The following GYG1 variants were observed in gnomAD, a reference collection of about 807,000 sequenced individuals.
GYG1 encodes glycogenin 1.
A neutral mutation model predicts 41.9 loss-of-function variants in GYG1; 44 were observed. That is an observed-to-expected ratio of 1.05 (90% CI 0.83 to 1.35). The LOEUF (loss-of-function observed/expected upper bound fraction) is 1.35. GYG1 is among the 40% of genes most tolerant of loss of function. The pLI, the probability that GYG1 is intolerant of heterozygous loss-of-function variation, is 0.00. For synonymous variants in GYG1, 141 were observed against 158.1 expected, an observed-to-expected ratio of 0.89 and a Z score of 0.81; for missense variants, 429 against 418.9, an observed-to-expected ratio of 1.02 and a Z score of -0.21.
rs940997208 is a variant in GYG1, at chr3:149,028,007, G to A, written c.*1074G>A. Among the ~76,000 whole-genome samples, 8 of 152,164 alleles carry A rather than the reference G, an allele frequency of 5.3e-5. No homozygotes were observed. Among genetic ancestry groups the A allele is most frequent in the African/African-American group, 1.9e-4 (8 of 41,440 alleles). On this transcript the variant is annotated 3_prime_UTR_variant, in exon 8 of 8. Coordinates refer to ENST00000345003, the MANE Select transcript of GYG1 (RefSeq NM_004130.4). ...ATTTAAAATGATAGAATGGAAAAGCGTATTTATTAAATTTATAGATCATTC... is the reference window on the plus strand; with the variant it reads ...ATTTAAAATGATAGAATGGAAAAGCATATTTATTAAATTTATAGATCATTC...
chr3:149,005,337 T>C (rs982127214), intron 4 of GYG1, among the ~76,000 whole-genome samples: 1 of 152,174 alleles, frequency 6.6e-6, no homozygotes, highest in African/African-American at 2.4e-5. Flanking sequence ...GGAACATCTA[T>C]TACACCAATC....
In GYG1 at chr3:149,022,501, T is replaced by TTTTTTTTTTTTTTTTTTTTTG. The variant is rs1714428231; in HGVS notation, c.609-1537_609-1536insTTTTTGTTTTTTTTTTTTTTT. Among the ~76,000 whole-genome samples, 2 of 116,848 alleles carry TTTTTTTTTTTTTTTTTTTTTG rather than the reference T, an allele frequency of 1.7e-5. 1 individual carries two copies. Among genetic ancestry groups the TTTTTTTTTTTTTTTTTTTTTG allele is most frequent in the Non-Finnish European group, 3.6e-5 (2 of 56,318 alleles). The allele number at this position is 116,848 out of a possible 152,430, so 76.7% of individuals were successfully genotyped here. A position where few individuals can be genotyped will look rare whatever the true frequency, so the allele number is the denominator to read the frequency against. ...AGTACCTTTTTTCTTGTTTTGCCTT[T>TTTTTTTTTTTTTTTTTTTTTG]TTTTTTTTTTTTTTTGAGATGGAGT... On this transcript the variant is annotated intron_variant, in intron 5 of 7. Coordinates refer to ENST00000345003, the MANE Select transcript of GYG1 (RefSeq NM_004130.4).
chr3:149,001,561 A>G (rs1048872793), intron 4 of GYG1: 3 of 152,168 alleles, frequency 2.0e-5, no homozygotes, highest in Non-Finnish European at 4.4e-5. Flanking sequence ...CATTTTACCT[A>G]CTTTTTCACT....
intron 6 of GYG1, 70 bp from the exon 7 acceptor site, chr3:149,026,382 T>G: frequency 1.1e-6 from 1 of 941,964 alleles, no homozygotes; most frequent in African/African-American, 1.6e-5. Context: ...CCCACACAGA[T>G]TGAGAATTTA....
chr3:148,993,135 C>T (rs1397679895), intron 1 of GYG1, among the ~76,000 whole-genome samples: 1 of 152,024 alleles, frequency 6.6e-6, no homozygotes, highest in African/African-American at 2.4e-5. Flanking sequence ...GCTAATGTTT[C>T]TTGGAGATGG....
rs188887329 is a variant in GYG1 at position 149,026,439 on chromosome 3, G to A, written c.829-13G>A. On this transcript the variant is annotated splice_polypyrimidine_tract_variant and intron_variant, in intron 6 of 7. Coordinates refer to ENST00000345003, the MANE Select transcript of GYG1 (RefSeq NM_004130.4). ...GCCCATCCATCTTACACTTTCTAAT[G>A]AACTGTTTGCAGCTTTCAGACTTGG... is the stretch of plus-strand genomic sequence containing the variant. 8.2e-5 allele frequency: 129 copies of A among 1,565,394 alleles called. No individual in the cohort carries two copies. The East Asian group carries it at 1.7e-3, about 21-fold the overall frequency.
chr3:149,004,302 T>C (rs1274325606), intron 4 of GYG1, among the ~76,000 whole-genome samples: 3 of 152,258 alleles, frequency 2.0e-5, no homozygotes, highest in South Asian at 2.1e-4. Flanking sequence ...AAGCTGCCTC[T>C]AGAAGTCTGA....
chr3:149,030,186 T>A lies in GYG1; in HGVS notation c.*3253T>A, dbSNP rs969361593. On this transcript the variant is annotated 3_prime_UTR_variant, in exon 8 of 8. Transcript: ENST00000345003. ...AATCCAGTTTTAACCACAAAATTGT[T>A]TGAATCACAAGTGGTAATACAATGT... 1 of 152,212 alleles carries A rather than the reference T, an allele frequency of 6.6e-6. No individual in the cohort carries two copies. The highest frequency in any genetic ancestry group is 1.9e-4 in the East Asian group (1 of 5,204). The allele number at this position is 152,212 out of a possible 1,614,324, so 9.4% of individuals were successfully genotyped here.
intron 6 of GYG1, 42 bp from the exon 7 acceptor site, chr3:149,026,410 C>T: frequency 8.1e-7 from 1 of 1,239,464 alleles, no homozygotes; most frequent in Non-Finnish European, 1.2e-6. Flanking sequence ...ACTTGTGTTC[C>T]CTTGCCCATC....
intron 2 of GYG1, among the ~76,000 whole-genome samples, chr3:148,995,577 G>A (rs182183469): frequency 6.6e-6 from 1 of 152,268 alleles, no homozygotes; most frequent in East Asian, 1.9e-4. Context: ...TGCATTTCCT[G>A]TAACCACCAT....
chr3:149,010,523 C>T (rs140776897), intron 5 of GYG1, among the ~76,000 whole-genome samples: 43 of 152,176 alleles, frequency 2.8e-4, no homozygotes, highest in African/African-American at 7.9e-4. Context: ...GATGGGGTTT[C>T]ACCGCATTGT....
intron 1 of GYG1, 49 bp downstream of exon 1, chr3:148,991,696 G>C (rs926946485): frequency 7.2e-7 from 1 of 1,398,322 alleles, no homozygotes; most frequent in African/African-American, 1.5e-5. Context: ...CCGGCTTCCT[G>C]CCCAGCCGCC....
chr3:148,994,141 G>C lies in GYG1; in HGVS notation c.8-1G>C. The C allele has an allele frequency of 1.2e-6, 2 of 1,612,396 alleles. No homozygotes were observed. Among genetic ancestry groups the C allele is most frequent in the Non-Finnish European group, 8.5e-7 (1 of 1,178,650 alleles). ...AGTGTTTTTTTTTTCTTTGTATTAA[G>C]ATCAGGCCTTTGTGACACTAACCAC... On this transcript the variant is annotated splice_acceptor_variant, in intron 1 of 7. Transcript: ENST00000345003. LOFTEE classifies it high-confidence loss of function.
chr3:149,011,742 C>T (rs1713741043), intron 5 of GYG1, among the ~76,000 whole-genome samples: 1 of 152,158 alleles, frequency 6.6e-6, no homozygotes, highest in African/African-American at 2.4e-5. Flanking sequence ...ATTACTGAAA[C>T]AGGATGGTTT....
At chr3:149,003,114 A>AT (rs34946711) in intron 4 of GYG1, among the ~76,000 whole-genome samples, 191 of 130,052 alleles carry the variant, frequency 1.5e-3, no homozygotes, top group African/African-American at 3.4e-3. Flanking sequence ...TTTTACTATA[A>AT]TTTTTTTTTT....
chr3:149,017,693 G>A (rs1351974165), intron 5 of GYG1, among the ~76,000 whole-genome samples: 2 of 133,624 alleles, frequency 1.5e-5, no homozygotes, highest in Admixed American at 8.9e-5. Flanking sequence ...CCTCCTCCCA[G>A]GTTCGGTTCA....
At chr3:149,007,586 C>G (rs994139467) in intron 4 of GYG1, among the ~76,000 whole-genome samples, 2 of 152,192 alleles carry the variant, frequency 1.3e-5, no homozygotes, top group Non-Finnish European at 2.9e-5. Flanking sequence ...CCTGATCTTA[C>G]TACTTAACTC....
chr3:149,011,436 G>C (rs1351806959), intron 5 of GYG1, among the ~76,000 whole-genome samples: 1 of 152,150 alleles, frequency 6.6e-6, no homozygotes, highest in Non-Finnish European at 1.5e-5. Context: ...AAAGACTTTT[G>C]AATAGTATGA....
At position 148,996,172 on chromosome 3, in the gene GYG1, C is replaced by T; in HGVS notation, c.144-130C>T. The T allele has an allele frequency of 4.0e-6, 3 of 750,722 alleles. No individual in the cohort carries two copies. In the South Asian group the frequency reaches 4.5e-5, roughly 11 times the overall value. The allele number at this position is 750,722 out of a possible 1,614,324, so 46.5% of individuals were successfully genotyped here. ...TAAAATTAGAACAGATTTAAGGGTA[C>T]ATATTCTACCAAAGCAATACATTGT... On this transcript the variant is annotated intron_variant, in intron 2 of 7. Coordinates refer to ENST00000345003, the MANE Select transcript of GYG1 (RefSeq NM_004130.4).
Sources: allele counts gnomAD v4.1 joint callset (sites outside exome capture counted in the v4.1 genomes callset), GRCh38; gene constraint gnomAD v4.1.1; transcripts MANE v1.5; gene names NCBI Gene and HGNC (gene_info 2026-07-23, HGNC 2026-07-21).